PCDH9: variants seen among roughly 807,000 people sequenced by gnomAD.
PCDH9 encodes protocadherin 9.
In PCDH9, 24 loss-of-function variants were observed where a neutral mutation model predicts 70.6. That is an observed-to-expected ratio of 0.34 (90% CI 0.25 to 0.48). The LOEUF (loss-of-function observed/expected upper bound fraction) is 0.48. Ranked by LOEUF, PCDH9 falls within the 20% of genes least tolerant of loss-of-function variation. PCDH9 has a pLI of 0.99. For missense variants in PCDH9, 1,281 were observed against 1,503.6 expected (o/e 0.85, Z 2.45); for synonymous variants, 562 against 558.5 (o/e 1.01, Z -0.09).
intron 4 of PCDH9, among the ~76,000 whole-genome samples, chr13:66,579,651 T>C (rs2076862913): frequency 6.6e-6 from 1 of 152,084 alleles, no homozygotes; most frequent in Non-Finnish European, 1.5e-5. Context: ...TCAGTTAGAT[T>C]AGACATATGT....
chr13:66,562,782 G>A (rs928284129), intron 4 of PCDH9, among the ~76,000 whole-genome samples: 2 of 152,216 alleles, frequency 1.3e-5, no homozygotes, highest in South Asian at 2.1e-4. Context: ...CCTTGAGTAA[G>A]TGGATGGAGA....
chr13:66,429,367 T>C (rs1485563162), intron 4 of PCDH9, among the ~76,000 whole-genome samples: 1 of 151,026 alleles, frequency 6.6e-6, no homozygotes, highest in African/African-American at 2.4e-5. Flanking sequence ...AAATGATGAC[T>C]ATGGGAACAA....
At chr13:66,649,563 G>T (rs751767540) in intron 3 of PCDH9, among the ~76,000 whole-genome samples, 1 of 151,960 alleles carries the variant, frequency 6.6e-6, no homozygotes, top group African/African-American at 2.4e-5. Flanking sequence ...AATGCTAAAG[G>T]GAATTCTTCA....
chr13:67,164,568 C>T (rs1399161120), intron 2 of PCDH9, among the ~76,000 whole-genome samples: 1 of 93,196 alleles, frequency 1.1e-5, no homozygotes, highest in East Asian at 2.9e-4. Flanking sequence ...AGCCAGACTC[C>T]ATCTCCAAAA....
chr13:66,416,787 G>C (rs1490043521), intron 4 of PCDH9, among the ~76,000 whole-genome samples: 1 of 152,164 alleles, frequency 6.6e-6, no homozygotes, highest in Non-Finnish European at 1.5e-5. Flanking sequence ...ATTGGTCAGA[G>C]ACTGAAGAGA....
At chr13:67,018,892 C>G (rs2084618240) in intron 2 of PCDH9, among the ~76,000 whole-genome samples, 1 of 152,148 alleles carries the variant, frequency 6.6e-6, no homozygotes. Flanking sequence ...TCTAGCTTAA[C>G]TTATTTGACA....
At chr13:67,149,689 G>A (rs1031240182) in intron 2 of PCDH9, among the ~76,000 whole-genome samples, 3 of 151,880 alleles carry the variant, frequency 2.0e-5, no homozygotes, top group African/African-American at 4.8e-5. Context: ...GAAAAATTAC[G>A]TTAAAGATTT....
At chr13:66,673,559 G>A (rs2078205634) in intron 3 of PCDH9, among the ~76,000 whole-genome samples, 1 of 152,052 alleles carries the variant, frequency 6.6e-6, no homozygotes, top group Non-Finnish European at 1.5e-5. Flanking sequence ...GAATGTCTGA[G>A]GCTACCAGAA....
chr13:66,381,662 G>A (rs958626033), intron 4 of PCDH9, among the ~76,000 whole-genome samples: 2 of 152,096 alleles, frequency 1.3e-5, no homozygotes, highest in Non-Finnish European at 2.9e-5. Flanking sequence ...AGCAAACAAA[G>A]GCGAAGGCAA....
At chr13:66,895,798 G>T (rs976883342) in intron 3 of PCDH9, among the ~76,000 whole-genome samples, 2 of 151,982 alleles carry the variant, frequency 1.3e-5, no homozygotes, top group Admixed American at 1.3e-4. Context: ...CTACATTTTC[G>T]TTGTTTTGTT....
chr13:67,047,583 G>A (rs552626815), intron 2 of PCDH9, among the ~76,000 whole-genome samples: 18 of 152,126 alleles, frequency 1.2e-4, no homozygotes, highest in East Asian at 7.7e-4. Context: ...TTGGGTTTGC[G>A]GTTTCACCAT....
intron 3 of PCDH9, among the ~76,000 whole-genome samples, chr13:66,861,087 T>C (rs1057047498): frequency 6.6e-6 from 1 of 152,232 alleles, no homozygotes; most frequent in African/African-American, 2.4e-5. Context: ...ACAGGTCTAG[T>C]GGCTCCTTCT....
intron 3 of PCDH9, among the ~76,000 whole-genome samples, chr13:66,777,547 C>G (rs1307403927): frequency 7.2e-5 from 11 of 152,086 alleles, no homozygotes; most frequent in African/African-American, 1.4e-4. Flanking sequence ...CCATCACTGG[C>G]CATCAGAGAA....
chr13:66,811,988 T>C (rs1363870303), intron 3 of PCDH9, among the ~76,000 whole-genome samples: 1 of 152,134 alleles, frequency 6.6e-6, no homozygotes, highest in Non-Finnish European at 1.5e-5. Context: ...AGTTGTTTAG[T>C]GGTGATTTGT....
intron 4 of PCDH9, among the ~76,000 whole-genome samples, chr13:66,363,036 G>A (rs777784267): frequency 1.1e-4 from 16 of 151,996 alleles, no homozygotes; most frequent in Non-Finnish European, 1.9e-4. Context: ...CAAATTAGCC[G>A]TGTGCGGTGG....
chr13:66,822,451 C>T (rs547139132), intron 3 of PCDH9, among the ~76,000 whole-genome samples: 6 of 150,688 alleles, frequency 4.0e-5, no homozygotes, highest in African/African-American at 9.8e-5. Flanking sequence ...AGTGCTAGAG[C>T]TATACTAAAC....
chr13:66,529,908 GA>G (rs1012617211), intron 4 of PCDH9, among the ~76,000 whole-genome samples: 14 of 147,560 alleles, frequency 9.5e-5, no homozygotes, highest in Middle Eastern at 7.1e-3. Context: ...ATCTGTTGCA[GA>G]AAAAAAAATA....
At chr13:67,196,370 ATAAATGTG>A in intron 2 of PCDH9, among the ~76,000 whole-genome samples, 1 of 152,206 alleles carries the variant, frequency 6.6e-6, no homozygotes, top group East Asian at 1.9e-4. Flanking sequence ...GAATATGAAC[ATAAATGTG>A]TATTGATTAT....
chr13:66,340,446 G>A (rs1956106522), intron 4 of PCDH9, among the ~76,000 whole-genome samples: 2 of 152,138 alleles, frequency 1.3e-5, no homozygotes, highest in South Asian at 4.1e-4. Context: ...TGTAATGCTG[G>A]AAGGACTAGA....
Sources: gnomAD v4.1 joint callset for allele counts (sites outside exome capture counted in the v4.1 genomes callset) on GRCh38, gnomAD v4.1.1 for gene constraint, MANE v1.5 for transcripts, NCBI Gene and HGNC (gene_info 2026-07-23, HGNC 2026-07-21) for gene names.